The following KCTD8 variants were observed in gnomAD, a reference collection of about 807,000 sequenced individuals.
The protein encoded by KCTD8 is potassium channel tetramerization domain containing 8, also known as BTB/POZ domain-containing protein KCTD8.
Under a neutral mutation model 31.5 loss-of-function variants are expected in KCTD8, and 27 were observed. That is an observed-to-expected ratio of 0.86 (90% CI 0.63 to 1.18). The LOEUF (loss-of-function observed/expected upper bound fraction) is 1.18, where lower values mean the gene tolerates loss of function less well. Among genes scored for constraint, KCTD8 ranks in the 50% most tolerant of loss-of-function variants. The pLI, the probability that KCTD8 is intolerant of heterozygous loss-of-function variation, is 0.00. For synonymous variants in KCTD8, 290 were observed against 280.0 expected, an observed-to-expected ratio of 1.04 and a Z score of -0.36; for missense variants, 658 against 647.7, an observed-to-expected ratio of 1.02 and a Z score of -0.17.
intron 1 of KCTD8, among the ~76,000 whole-genome samples, chr4:44,181,294 G>A (rs1015849698): frequency 4.6e-5 from 7 of 151,346 alleles, no homozygotes; most frequent in South Asian, 2.1e-4. Context: ...CTCTGATGCC[G>A]AGCCGAGGCT....
chr4:44,271,475 G>C (rs1716597790), intron 1 of KCTD8, among the ~76,000 whole-genome samples: 1 of 152,056 alleles, frequency 6.6e-6, no homozygotes, highest in African/African-American at 2.4e-5. Flanking sequence ...GTGACTGCTG[G>C]GGATAGGCCC....
At chr4:44,276,120 A>G (rs1460490806) in intron 1 of KCTD8, among the ~76,000 whole-genome samples, 1 of 151,982 alleles carries the variant, frequency 6.6e-6, no homozygotes, top group Non-Finnish European at 1.5e-5. Context: ...AGGCAGACAC[A>G]TTGTCTGCAG....
At chr4:44,442,365 T>A (rs557048218) in intron 1 of KCTD8, among the ~76,000 whole-genome samples, 1 of 152,236 alleles carries the variant, frequency 6.6e-6, no homozygotes, top group Non-Finnish European at 1.5e-5. Flanking sequence ...GGCAGGTGGA[T>A]CACCTGAGGT....
chr4:44,308,184 C>T (rs1334739836), intron 1 of KCTD8, among the ~76,000 whole-genome samples: 1 of 151,820 alleles, frequency 6.6e-6, no homozygotes, highest in East Asian at 1.9e-4. Context: ...GAAACGAAAA[C>T]ATTTAGATGT....
chr4:44,280,704 G>A (rs1716883005), intron 1 of KCTD8, among the ~76,000 whole-genome samples: 1 of 152,002 alleles, frequency 6.6e-6, no homozygotes. Context: ...CACTCTAGAA[G>A]TTTCTCTGTA....
chr4:44,289,782 C>G (rs561202343), intron 1 of KCTD8, among the ~76,000 whole-genome samples: 4 of 152,298 alleles, frequency 2.6e-5, no homozygotes, highest in Non-Finnish European at 4.4e-5. Flanking sequence ...CACAGGGCAG[C>G]TGCAGTGGAA....
intron 1 of KCTD8, among the ~76,000 whole-genome samples, chr4:44,389,805 C>T (rs1286779133): frequency 6.6e-6 from 1 of 151,738 alleles, no homozygotes; most frequent in Admixed American, 6.6e-5. Context: ...CAGGTTTGAA[C>T]TATGCAGGTC....
intron 1 of KCTD8, among the ~76,000 whole-genome samples, chr4:44,406,967 T>C (rs1009740703): frequency 1.3e-5 from 2 of 152,230 alleles, no homozygotes; most frequent in African/African-American, 4.8e-5. Flanking sequence ...TAAATGCATA[T>C]AGATCACTAA....
At chr4:44,195,343 G>T (rs941197314) in intron 1 of KCTD8, among the ~76,000 whole-genome samples, 63 of 152,118 alleles carry the variant, frequency 4.1e-4, no homozygotes, top group Admixed American at 1.1e-3. Context: ...TGGCATTAGA[G>T]AATTACAAAA....
chr4:44,288,164 T>G (rs909371317), intron 1 of KCTD8, among the ~76,000 whole-genome samples: 1 of 152,120 alleles, frequency 6.6e-6, no homozygotes, highest in African/African-American at 2.4e-5. Flanking sequence ...TCTTGTCTTT[T>G]TCTATATAAA....
Position 44,305,992 on chromosome 4 carries a change from T to A in KCTD8, c.962-130742A>T, listed in dbSNP as rs184555727. On this transcript the variant is annotated intron_variant, in intron 1 of 1. Coordinates refer to ENST00000360029, the MANE Select transcript of KCTD8 (RefSeq NM_198353.3). ...TTTACTAGATAGAATTAATGAAAATTAGAAAATACTTAAAGTTCAATAATA... is the reference window on the plus strand; with the variant it reads ...TTTACTAGATAGAATTAATGAAAATAAGAAAATACTTAAAGTTCAATAATA... Among the ~76,000 whole-genome samples, 111 of 151,812 alleles carry A rather than the reference T, an allele frequency of 7.3e-4. 1 individual carries two copies. The highest frequency in any genetic ancestry group is 2.3e-3 in the East Asian group (12 of 5,174).
intron 1 of KCTD8, among the ~76,000 whole-genome samples, chr4:44,369,782 G>A (rs1028441889): frequency 6.6e-6 from 1 of 151,844 alleles, no homozygotes; most frequent in Non-Finnish European, 1.5e-5. Flanking sequence ...CCTGGGCAAC[G>A]GAGAGAGATT....
intron 1 of KCTD8, among the ~76,000 whole-genome samples, chr4:44,397,273 C>G (rs4554109): frequency 0.15 from 22,625 of 152,048 alleles, 1,867 homozygotes; most frequent in Non-Finnish European, 0.18. Flanking sequence ...TTAGTGAAAT[C>G]AGTGTTATTG....
chr4:44,195,329 A>AT (rs1713906429), intron 1 of KCTD8, among the ~76,000 whole-genome samples: 1 of 152,214 alleles, frequency 6.6e-6, no homozygotes, highest in African/African-American at 2.4e-5. Context: ...TTGTAGCTGT[A>AT]TATTGGCATT....
intron 1 of KCTD8, among the ~76,000 whole-genome samples, chr4:44,267,276 A>G (rs1009983004): frequency 6.1e-4 from 93 of 152,210 alleles, no homozygotes; most frequent in Non-Finnish European, 1.1e-3. Context: ...AAACTGAACA[A>G]CCTGCTCCTG....
At chr4:44,339,452 T>C (rs1298749231) in intron 1 of KCTD8, among the ~76,000 whole-genome samples, 1 of 152,038 alleles carries the variant, frequency 6.6e-6, no homozygotes, top group African/African-American at 2.4e-5. Context: ...CTATACAAAA[T>C]AAACAGGGTC....
At position 44,174,689 on chromosome 4, in the gene KCTD8, A is replaced by G; in HGVS notation, c.*101T>C. 1.2e-6 allele frequency: 1 copy of G among 849,184 alleles called. No homozygotes were observed. Among genetic ancestry groups the G allele is most frequent in the East Asian group, 2.4e-5 (1 of 40,958 alleles). The allele number at this position is 849,184 out of a possible 1,614,324, so 52.6% of individuals were successfully genotyped here. A position where few individuals can be genotyped will look rare whatever the true frequency, so the allele number is the denominator to read the frequency against. On this transcript the variant is annotated 3_prime_UTR_variant, in exon 2 of 2. Coordinates refer to ENST00000360029, the MANE Select transcript of KCTD8 (RefSeq NM_198353.3). ...ACATCCACTGTTCACAACAAGGAAG[A>G]GCAGCAAGAATCACACTGACCATTG... is the stretch of plus-strand genomic sequence containing the variant.
At chr4:44,329,632 G>A (rs2109411471) in intron 1 of KCTD8, among the ~76,000 whole-genome samples, 1 of 151,872 alleles carries the variant, frequency 6.6e-6, no homozygotes, top group South Asian at 2.1e-4. Context: ...CCCTTATCTT[G>A]CTTTGTGCAA....
chr4:44,288,632 T>G (rs1717172862), intron 1 of KCTD8, among the ~76,000 whole-genome samples: 1 of 152,054 alleles, frequency 6.6e-6, no homozygotes, highest in Non-Finnish European at 1.5e-5. Context: ...ACAGGTAACT[T>G]TTTCTTTTCA....
Sources: allele counts gnomAD v4.1 joint callset (sites outside exome capture counted in the v4.1 genomes callset), GRCh38; gene constraint gnomAD v4.1.1; transcripts MANE v1.5; gene names NCBI Gene and HGNC (gene_info 2026-07-23, HGNC 2026-07-21).